Variants in USP11 observed in about 807,000 individuals in gnomAD.
USP11 encodes ubiquitin carboxyl-terminal hydrolase 11.
A neutral mutation model predicts 72.8 loss-of-function variants in USP11; 5 were observed. That is an observed-to-expected ratio of 0.07 (90% CI 0.04 to 0.14). The LOEUF (loss-of-function observed/expected upper bound fraction) is 0.14. Ranked by LOEUF, USP11 falls within the 10% of genes least tolerant of loss-of-function variation. The pLI is 1.00. For missense variants in USP11, 480 were observed against 794.7 expected (o/e 0.60, Z 4.76); for synonymous variants, 368 against 326.5 (o/e 1.13, Z -1.37).
At position 47,233,310 on chromosome X, in the gene USP11, G is replaced by A. The variant is rs1255545565; in HGVS notation, c.176+91G>A. Reference sequence around the variant, plus strand: ...TTCGGCGGCCGAGGGCCGCGGGAAAGCTGCTGCGGGGTGCGGGGGCGGGGG... The same window carrying A: ...TTCGGCGGCCGAGGGCCGCGGGAAAACTGCTGCGGGGTGCGGGGGCGGGGG... On this transcript the variant is annotated intron_variant, in intron 1 of 20. Transcript: ENST00000377107. The A allele has an allele frequency of 3.7e-6, 4 of 1,073,950 alleles. No individual in the cohort carries two copies. In the Admixed American group the frequency reaches 1.6e-4, roughly 42 times the overall value. The allele number at this position is 1,073,950 out of a possible 1,213,427, so 88.5% of individuals were successfully genotyped here. A position where few individuals can be genotyped will look rare whatever the true frequency, so the allele number is the denominator to read the frequency against.
rs2055439114 is a variant in USP11 at position 47,247,224 on chromosome X, CAG to C, written c.2420+4_2420+5del. 4 of 1,210,640 alleles carry C rather than the reference CAG, an allele frequency of 3.3e-6. No homozygotes were observed. The highest frequency in any genetic ancestry group is 3.4e-6 in the Non-Finnish European group (3 of 895,222). On this transcript the variant is annotated splice_donor_5th_base_variant and intron_variant, in intron 18 of 20. Transcript: ENST00000377107. ...ACCCTCGTGGAGTTTCCTATCCGGT[CAG>C]GGGCCAGGGAGAGGATGGCTGGGGG...
chrX:47,237,169 A>G (rs1326640444), intron 1 of USP11, among the ~76,000 whole-genome samples: 1 of 111,744 alleles, frequency 8.9e-6, no homozygotes, highest in Non-Finnish European at 1.9e-5. Flanking sequence ...ATTGGAAGGT[A>G]CTGTTAACTA....
Position 47,243,438 on chromosome X carries a change from A to T in USP11, c.1626A>T (p.Arg542Ser). 1 of 1,211,598 alleles carries T rather than the reference A, an allele frequency of 8.3e-7. No individual in the cohort carries two copies. ...SGRIEAIEGSREDIVVPVYLR... is the reference protein window; with the variant it reads ...SGRIEAIEGSSEDIVVPVYLR... ...GCATTGAGGCCATTGAGGGCTCAAGAGAGGACATCGTGGTTCCTGTCTACC... is the reference window on the plus strand; with the variant it reads ...GCATTGAGGCCATTGAGGGCTCAAGTGAGGACATCGTGGTTCCTGTCTACC... Residue 542 changes from arginine (R) to serine (S), a missense_variant, in exon 13 of 21, where the codon AGA becomes AGT. This residue lies in a region of USP11 where 314 missense variants were observed against 556.0 expected (regional missense o/e 0.56). Transcript: ENST00000377107.
In USP11 at chrX:47,248,222, G is replaced by T. The variant is rs766351312; in HGVS notation, c.*292G>T. 5.4e-5 allele frequency: 17 copies of T among 314,737 alleles called. No individual in the cohort carries two copies. Among genetic ancestry groups the T allele is most frequent in the Non-Finnish European group, 7.6e-5 (14 of 183,864 alleles). The allele number at this position is 314,737 out of a possible 1,213,427, so 25.9% of individuals were successfully genotyped here. ...CCCTCTCCTCAGCCCAGAGTGTTCT[G>T]CGTGGGTGGTGATGGGGGTTCACCT... On this transcript the variant is annotated 3_prime_UTR_variant, in exon 21 of 21. Coordinates refer to ENST00000377107, the MANE Select transcript of USP11 (RefSeq NM_001371072.1).
chrX:47,233,660 G>C (rs2055357250), intron 1 of USP11: 1 of 543,049 alleles, frequency 1.8e-6, no homozygotes, highest in Non-Finnish European at 2.3e-6. Flanking sequence ...GTCAGCAGAA[G>C]AGCGGGATGG....
In USP11 at chrX:47,239,496, G is replaced by A. The variant is rs747407130; in HGVS notation, c.417+15G>A. 3 of 1,210,463 alleles carry A rather than the reference G, an allele frequency of 2.5e-6. No homozygotes were observed. In the Admixed American group the frequency reaches 6.5e-5, roughly 26 times the overall value. On this transcript the variant is annotated intron_variant, in intron 3 of 20. Transcript: ENST00000377107. Reference sequence around the variant, plus strand: ...TTGAACGCAAGGTATAATGGATGGGGAGGGTGCATGGCGGGGAGTGCGTAG... The same window carrying A: ...TTGAACGCAAGGTATAATGGATGGGAAGGGTGCATGGCGGGGAGTGCGTAG...
At chrX:47,242,586 C>T (rs906378226) in intron 11 of USP11, 40 bp from the exon 12 acceptor site, 5 of 1,203,200 alleles carry the variant, frequency 4.2e-6, no homozygotes, top group South Asian at 1.8e-5. Flanking sequence ...CCTGGGAGGC[C>T]GTGCAGACTA....
chrX:47,238,435 G>A (rs757227431), intron 1 of USP11, among the ~76,000 whole-genome samples: 19 of 102,142 alleles, frequency 1.9e-4, no homozygotes, highest in African/African-American at 6.3e-4. Flanking sequence ...TGATCCACCC[G>A]TCTTGACCTC....
chrX:47,235,038 A>G (rs1233694875), intron 1 of USP11, among the ~76,000 whole-genome samples: 2 of 112,154 alleles, frequency 1.8e-5, no homozygotes, highest in Non-Finnish European at 3.8e-5. Context: ...ATTAAATAAT[A>G]AATAAAAACG....
rs770588703 is a variant in USP11, at chrX:47,243,463, C to T, written c.1651C>T (p.Leu551=). Residue 551 remains leucine, a synonymous_variant, in exon 13 of 21, where the codon CTG becomes TTG. Transcript: ENST00000377107. ...SREDIVVPVY[L]RERTPARDYN... ...AGAGGACATCGTGGTTCCTGTCTAC[C>T]TGCGGGAGCGCACCCCTGCCCGTGA... 3.3e-6 allele frequency: 4 copies of T among 1,211,333 alleles called. No individual in the cohort carries two copies. The highest frequency in any genetic ancestry group is 1.7e-5 in the African/African-American group (1 of 57,617).
rs1602717290 is a variant in USP11, at chrX:47,247,545, A to T, written c.2537-66A>T. 3 of 1,148,616 alleles carry T rather than the reference A, an allele frequency of 2.6e-6. No individual in the cohort carries two copies. In the Admixed American group the frequency reaches 6.8e-5, roughly 26 times the overall value. 94.7% of individuals were successfully genotyped at this position (1,148,616 alleles called of 1,213,427 possible). A position where few individuals can be genotyped will look rare whatever the true frequency, so the allele number is the denominator to read the frequency against. ...GGTTATCGTGGTGGGAGGAGTGACAAGAGTGAATCTGGACACTTCTGAGAG... is the reference window on the plus strand; with the variant it reads ...GGTTATCGTGGTGGGAGGAGTGACATGAGTGAATCTGGACACTTCTGAGAG... On this transcript the variant is annotated intron_variant, in intron 19 of 20. Coordinates refer to ENST00000377107, the MANE Select transcript of USP11 (RefSeq NM_001371072.1).
Position 47,233,048 on chromosome X carries a change from C to A in USP11, c.5C>A (p.Ala2Glu). The A allele has an allele frequency of 8.3e-7, 1 of 1,210,544 alleles. No individual in the cohort carries two copies. Among genetic ancestry groups the A allele is most frequent in the Non-Finnish European group, 1.1e-6 (1 of 894,823 alleles). Residue 2 changes from alanine (A) to glutamate (E), a missense_variant, in exon 1 of 21, where the codon GCG (alanine) becomes GAG (glutamate). By Grantham distance (107) the Ala-to-Glu change is moderately radical. This residue lies in a region of USP11 where 71 missense variants were observed against 71.4 expected (regional missense o/e 0.99). Coordinates refer to ENST00000377107, the MANE Select transcript of USP11 (RefSeq NM_001371072.1). The stretch of plus-strand genomic sequence containing the variant: ...TGTAGAAGAGAACGGACGGCGATGG[C>A]GACGGTCGCAGCAAATCCAGCTGCT... MATVAANPAAAA... is the reference protein window; with the variant it reads METVAANPAAAA...
chrX:47,245,522 T>C, intron 17 of USP11, 40 bp downstream of exon 17: 1 of 918,635 alleles, frequency 1.1e-6, no homozygotes, highest in Non-Finnish European at 1.5e-6. Flanking sequence ...GGGGTTTCAT[T>C]GGATGGAACT....
In USP11 at chrX:47,247,842, G is replaced by T. The variant is rs749981096; in HGVS notation, c.2675G>T (p.Arg892Leu). 3.3e-6 allele frequency: 4 copies of T among 1,204,210 alleles called. No homozygotes were observed. The South Asian group carries it at 7.1e-5, about 21-fold the overall frequency. The change falls in exon 21 of 21, where the codon CGC (arginine) becomes CTC (leucine). Residue 892 changes from arginine (R) to leucine (L), a missense_variant. This residue lies in a region of USP11 where 314 missense variants were observed against 556.0 expected (regional missense o/e 0.56). Transcript: ENST00000377107. ...LFYQRQDVAR[R>L]LLSPAGSSGA... Reference sequence around the variant, plus strand: ...TACCAACGCCAGGACGTGGCGCGACGCCTGCTGTCCCCGGCCGGCTCATCT... The same window carrying T: ...TACCAACGCCAGGACGTGGCGCGACTCCTGCTGTCCCCGGCCGGCTCATCT...
rs749638272 is a variant in USP11, at chrX:47,241,463, C to T, written c.1020+13C>T. The T allele has an allele frequency of 2.9e-5, 35 of 1,195,379 alleles. No individual in the cohort carries two copies. Among genetic ancestry groups the T allele is most frequent in the Admixed American group, 9.0e-5 (4 of 44,600 alleles). On this transcript the variant is annotated intron_variant, in intron 8 of 20. Coordinates refer to ENST00000377107, the MANE Select transcript of USP11 (RefSeq NM_001371072.1). ...ACATGTGTTCAAGGTGTGACTCAAC[C>T]CTGGGCACCCCCGACCCCCTACGTC...
At chrX:47,234,347 A>G (rs749062005) in intron 1 of USP11, among the ~76,000 whole-genome samples, 11 of 112,245 alleles carry the variant, frequency 9.8e-5, no homozygotes, top group South Asian at 3.6e-4. Flanking sequence ...AGAAAAAAAA[A>G]TTATTTTAAA....
At chrX:47,241,230 C>G in intron 7 of USP11, 47 bp from the exon 8 acceptor site, 7 of 1,148,153 alleles carry the variant, frequency 6.1e-6, no homozygotes, top group Non-Finnish European at 7.0e-6. Context: ...CACTTTGAAC[C>G]TTCTGTCTCC....
chrX:47,244,855 C>T lies in USP11; in HGVS notation c.2017C>T (p.Leu673=). The change falls in exon 15 of 21, where the codon CTG becomes TTG. Residue 673 remains leucine, a synonymous_variant. Transcript: ENST00000377107. ...GCCCCCAAGGCGACGACGCAAGCAG[C>T]TGTTCACCCTGCAGACGGTGAACTC... ...QWPPRRRRKQ[L]FTLQTVNSNG... is the part of the protein sequence containing the mutation. 1 of 1,211,860 alleles carries T rather than the reference C, an allele frequency of 8.3e-7. No homozygotes were observed. The highest frequency in any genetic ancestry group is 1.1e-6 in the Non-Finnish European group (1 of 895,549).
chrX:47,237,782 GTGTA>G (rs1317275179), intron 1 of USP11, among the ~76,000 whole-genome samples: 376 of 26,449 alleles, frequency 0.014, 1 homozygote, highest in African/African-American at 0.029. Context: ...ACAGGTGTGT[GTGTA>G]TGTGTGTGTG....
Sources: allele counts gnomAD v4.1 joint callset (sites outside exome capture counted in the v4.1 genomes callset), GRCh38; gene constraint gnomAD v4.1.1; regional missense constraint gnomAD v4.1.1; transcripts MANE v1.5; gene names NCBI Gene and HGNC (gene_info 2026-07-23, HGNC 2026-07-21).